Variants in ATP2C1 observed in about 807,000 individuals in gnomAD.
ATP2C1 encodes the protein calcium-transporting ATPase type 2C member 1.
A neutral mutation model predicts 120.5 loss-of-function variants in ATP2C1; 31 were observed. That is an observed-to-expected ratio of 0.26 (90% CI 0.19 to 0.35). ATP2C1 has a LOEUF of 0.35. Among genes scored for constraint, ATP2C1 ranks in the 10% least tolerant of loss-of-function variants. The pLI is 1.00. For missense variants in ATP2C1, 731 were observed against 1,107.5 expected, an observed-to-expected ratio of 0.66 and a Z score of 4.83; for synonymous variants, 351 against 358.7, an observed-to-expected ratio of 0.98 and a Z score of 0.24.
At chr3:130,979,500 T>C in intron 19 of ATP2C1, 81 bp downstream of exon 19, 1 of 1,376,562 alleles carries the variant, frequency 7.3e-7, no homozygotes, top group Non-Finnish European at 1.0e-6. Flanking sequence ...CTATTAGTTA[T>C]GAATATGTTT....
chr3:130,957,037 T>A (rs1391376754), intron 11 of ATP2C1, among the ~76,000 whole-genome samples: 1 of 152,196 alleles, frequency 6.6e-6, no homozygotes. Flanking sequence ...TAATTAACCA[T>A]TTATGCCTAG....
chr3:130,851,486 G>C (rs2067674492), intron 1 of ATP2C1, among the ~76,000 whole-genome samples: 5 of 152,148 alleles, frequency 3.3e-5, no homozygotes, highest in African/African-American at 1.2e-4. Context: ...CCAATCAAAA[G>C]CTATGATTTC....
At chr3:130,973,669 G>T (rs2061425958) in intron 17 of ATP2C1, among the ~76,000 whole-genome samples, 1 of 152,068 alleles carries the variant, frequency 6.6e-6, no homozygotes, top group South Asian at 2.1e-4. Flanking sequence ...TTTATTTTTG[G>T]AATTTTCTAT....
At chr3:130,993,219 C>G (rs1453383689) in intron 21 of ATP2C1, among the ~76,000 whole-genome samples, 3 of 151,944 alleles carry the variant, frequency 2.0e-5, no homozygotes, top group Admixed American at 6.6e-5. Context: ...TCTGCAAATA[C>G]AGCCTTCTTT....
At chr3:130,994,201 T>G in intron 22 of ATP2C1, 103 bp downstream of exon 22, 1 of 1,377,618 alleles carries the variant, frequency 7.3e-7, no homozygotes, top group Non-Finnish European at 1.0e-6. Context: ...TATTTAAACA[T>G]TAGGTAAACT....
chr3:130,947,955 G>A (rs997591645), intron 8 of ATP2C1, among the ~76,000 whole-genome samples: 7 of 152,072 alleles, frequency 4.6e-5, no homozygotes, highest in African/African-American at 7.2e-5. Context: ...ATACAAAATC[G>A]TACAGCCCAC....
intron 17 of ATP2C1, among the ~76,000 whole-genome samples, chr3:130,972,691 A>G (rs1004144987): frequency 2.2e-5 from 3 of 136,378 alleles, no homozygotes; most frequent in Non-Finnish European, 3.0e-5. Flanking sequence ...TTCACTTCTC[A>G]TCTATGAGTG....
At chr3:130,874,334 T>G (rs2068531385) in intron 1 of ATP2C1, among the ~76,000 whole-genome samples, 2 of 152,214 alleles carry the variant, frequency 1.3e-5, no homozygotes, top group African/African-American at 4.8e-5. Flanking sequence ...ATATGGCAAT[T>G]ATTTAACTTA....
intron 2 of ATP2C1, among the ~76,000 whole-genome samples, chr3:130,902,114 T>G (rs116931168): frequency 6.6e-6 from 1 of 151,970 alleles, no homozygotes; most frequent in Non-Finnish European, 1.5e-5. Context: ...TCCTCACTTG[T>G]AAAGAGATTA....
Position 130,959,341 on chromosome 3 carries a change from G to GGTAAGTC in ATP2C1, c.899+1_899+7dup. ...CTGGAAATGTTTACTATTAGTGTAA[G>GGTAAGTC]GTAAGTCTCAATACTTTATAATTGG... is the stretch of plus-strand genomic sequence containing the variant. On this transcript the variant is annotated stop_gained and frameshift_variant and splice_region_variant. Transcript: ENST00000510168. LOFTEE classifies it high-confidence loss of function. The GGTAAGTC allele has an allele frequency of 6.3e-7, 1 of 1,598,832 alleles. No homozygotes were observed. The highest frequency in any genetic ancestry group is 1.1e-5 in the South Asian group (1 of 90,718).
chr3:130,974,255 TATCA>T (rs2061450701), intron 17 of ATP2C1, among the ~76,000 whole-genome samples: 3 of 152,248 alleles, frequency 2.0e-5, no homozygotes, highest in Admixed American at 2.0e-4. Context: ...CTATTTGAGC[TATCA>T]ATCAGGATAG....
intron 20 of ATP2C1, among the ~76,000 whole-genome samples, chr3:130,988,517 C>A (rs2062133393): frequency 6.6e-6 from 1 of 152,134 alleles, no homozygotes; most frequent in Admixed American, 6.5e-5. Context: ...CTTTTACCAC[C>A]AAGTACAAGG....
At chr3:130,977,458 T>C (rs2061574775) in intron 18 of ATP2C1, among the ~76,000 whole-genome samples, 1 of 152,146 alleles carries the variant, frequency 6.6e-6, no homozygotes, top group African/African-American at 2.4e-5. Flanking sequence ...GGTAGGGAAG[T>C]GGGCAGAGTC....
At chr3:130,941,252 G>GTGTGTC (rs1553764223) in intron 7 of ATP2C1, among the ~76,000 whole-genome samples, 2,290 of 144,260 alleles carry the variant, frequency 0.016, 27 homozygotes, top group Middle Eastern at 0.052. Context: ...GTGTGTGTGT[G>GTGTGTC]TGTGTGTGTG....
chr3:130,977,646 A>G (rs984417476), intron 18 of ATP2C1, among the ~76,000 whole-genome samples: 1 of 152,122 alleles, frequency 6.6e-6, no homozygotes, highest in African/African-American at 2.4e-5. Context: ...AGGTTTGTGT[A>G]TGTGTGTTTT....
At chr3:130,890,466 CTTCT>C (rs372289724), upstream of ATP2C1, among the ~76,000 whole-genome samples, 189 of 152,288 alleles carry the variant, frequency 1.2e-3, no homozygotes, top group African/African-American at 4.3e-3. Flanking sequence ...TTGAAATAAA[CTTCT>C]TTAACAATAA....
At chr3:131,001,104 GAA>G (rs11403338) in intron 27 of ATP2C1, 114 bp from the exon 28 acceptor site, 1,960 of 338,898 alleles carry the variant, frequency 5.8e-3, no homozygotes, top group East Asian at 0.016. Flanking sequence ...CTTCATCTCA[GAA>G]AAAAAAAAAA....
intron 6 of ATP2C1, among the ~76,000 whole-genome samples, chr3:130,939,779 T>G (rs1236873078): frequency 6.6e-6 from 1 of 152,218 alleles, no homozygotes; most frequent in Non-Finnish European, 1.5e-5. Flanking sequence ...TTACATAGCC[T>G]TGTGTTTTCT....
chr3:130,964,995 A>G lies in ATP2C1; in HGVS notation c.1072A>G (p.Asn358Asp), dbSNP rs201217185. Residue 358 changes from asparagine to aspartate, a missense_variant, in exon 14 of 28, where the codon AAT becomes GAT. Around this residue, in one of 3 missense-constraint regions of ATP2C1, gnomAD observed 571 missense variants for 845.9 expected, o/e 0.67. Transcript: ENST00000510168. ...AGATAAAACTGGAACACTGACGAAG[A>G]ATGAAATGACTGTTACTCACATATT... The part of the protein sequence containing the change: ...CSDKTGTLTK[N>D]EMTVTHIFTS... 2 of 1,612,170 alleles carry G rather than the reference A, an allele frequency of 1.2e-6. No individual in the cohort carries two copies. The highest frequency in any genetic ancestry group is 1.7e-5 in the Admixed American group (1 of 59,926).
Sources: gnomAD v4.1 joint callset for allele counts (sites outside exome capture counted in the v4.1 genomes callset) on GRCh38, gnomAD v4.1.1 for gene constraint, gnomAD v4.1.1 regional missense constraint, MANE v1.5 for transcripts, NCBI Gene and HGNC (gene_info 2026-07-23, HGNC 2026-07-21) for gene names.